Variants in OSR1 observed in about 807,000 individuals in gnomAD.
The protein encoded by OSR1 is odd-skipped related transcription factor 1, also known as protein odd-skipped-related 1.
OSR1 carries 3 observed loss-of-function variants against 15.7 expected under a neutral mutation model. The observed-to-expected ratio is 0.19, with a 90% CI of 0.09 to 0.50. OSR1 has a LOEUF of 0.50. OSR1 is among the 20% of genes least tolerant of loss of function. The pLI is 0.97. For missense variants in OSR1, 271 were observed against 351.1 expected, an observed-to-expected ratio of 0.77 and a Z score of 1.82; for synonymous variants, 166 against 152.7, an observed-to-expected ratio of 1.09 and a Z score of -0.64.
At chr2:19,356,355 C>T (rs1372185318) in intron 1 of OSR1, 1 of 152,264 alleles carries the variant, frequency 6.6e-6, no homozygotes, top group South Asian at 2.1e-4. Flanking sequence ...TATTTTCTTC[C>T]GCGGCCCAGC....
intron 2 of OSR1, 149 bp downstream of exon 2, chr2:19,352,992 A>G: frequency 9.9e-7 from 1 of 1,011,864 alleles, no homozygotes; most frequent in Non-Finnish European, 1.4e-6. Flanking sequence ...CTATCCCTGG[A>G]TCTCCTAGGC....
intron 1 of OSR1, chr2:19,354,348 G>A (rs903954742): frequency 1.9e-5 from 3 of 153,994 alleles, no homozygotes; most frequent in African/African-American, 4.9e-5. Context: ...ATGTTTTATA[G>A]TACAACACTG....
downstream of OSR1, among the ~76,000 whole-genome samples, chr2:19,348,675 G>T (rs1039462941): frequency 6.6e-6 from 1 of 152,140 alleles, no homozygotes; most frequent in Non-Finnish European, 1.5e-5. Flanking sequence ...AAGGAAGTAC[G>T]CGGGAAAACA....
rs771630452 is a variant in OSR1 at position 19,353,209 on chromosome 2, G to C, written c.597C>G (p.Asp199Glu). The C allele has an allele frequency of 1.2e-6, 2 of 1,614,256 alleles. No individual in the cohort carries two copies. Among genetic ancestry groups the C allele is most frequent in the Non-Finnish European group, 1.7e-6 (2 of 1,180,054 alleles). Residue 199 changes from aspartate to glutamate, a missense_variant, in exon 2 of 3, where the codon GAC (aspartate) becomes GAG (glutamate). By Grantham distance (45) the Asp-to-Glu change is conservative (BLOSUM62 2). Coordinates refer to ENST00000272223, the MANE Select transcript of OSR1 (RefSeq NM_145260.3). Reference sequence around the variant, plus strand: ...AGATGTCACAGGTGTAGGGCCGCTCGTCGGTGTGCGTCCGCTCATGGATAA... The same window carrying C: ...AGATGTCACAGGTGTAGGGCCGCTCCTCGGTGTGCGTCCGCTCATGGATAA... The part of the protein sequence containing the change: ...NLLIHERTHT[D>E]ERPYTCDICH...
rs1320291458 is a variant in OSR1 at position 19,351,730 on chromosome 2, G to A, written c.*545C>T. On this transcript the variant is annotated 3_prime_UTR_variant, in exon 3 of 3. Transcript: ENST00000272223. ...CAGCTGAGCTGCAAGAGCTGGGAGG[G>A]GGCTGCCCCGCGGTCCCTAGGGCAG... The A allele has an allele frequency of 6.5e-6, 1 of 152,712 alleles. No homozygotes were observed. The highest frequency in any genetic ancestry group is 2.4e-5 in the African/African-American group (1 of 41,434). The allele number at this position is 152,712 out of a possible 1,614,324, so 9.5% of individuals were successfully genotyped here. A position where few individuals can be genotyped will look rare whatever the true frequency, so the allele number is the denominator to read the frequency against.
At chr2:19,353,002 C>A in intron 2 of OSR1, 139 bp downstream of exon 2, 1 of 1,109,432 alleles carries the variant, frequency 9.0e-7, no homozygotes, top group Non-Finnish European at 1.3e-6. Context: ...ATCTCCTAGG[C>A]TTTCCTTCTT....
intron 1 of OSR1, chr2:19,354,087 C>A: frequency 2.3e-6 from 1 of 440,016 alleles, no homozygotes; most frequent in Non-Finnish European, 4.1e-6. Flanking sequence ...GGCAGAGCCA[C>A]ACAACTTGAT....
chr2:19,350,387 G>T (rs1340338301), downstream of OSR1, among the ~76,000 whole-genome samples: 1 of 151,732 alleles, frequency 6.6e-6, no homozygotes, highest in Non-Finnish European at 1.5e-5. Context: ...GTTCTAGCCC[G>T]CACAGGACTC....
At chr2:19,352,541 G>A in intron 2 of OSR1, 131 bp from the exon 3 acceptor site, 1 of 1,110,172 alleles carries the variant, frequency 9.0e-7, no homozygotes, top group African/African-American at 1.6e-5. Flanking sequence ...ACCAAGTGTG[G>A]ATGGGACAAA....
Position 19,357,714 on chromosome 2 carries a change from C to A in OSR1, c.-33+627G>T, listed in dbSNP as rs1425126785. The A allele has an allele frequency of 1.3e-5, 2 of 152,250 alleles. No individual in the cohort carries two copies. The highest frequency in any genetic ancestry group is 1.9e-4 in the East Asian group (1 of 5,186). 9.4% of individuals were successfully genotyped at this position (152,250 alleles called of 1,614,324 possible). A position where few individuals can be genotyped will look rare whatever the true frequency, so the allele number is the denominator to read the frequency against. On this transcript the variant is annotated intron_variant, in intron 1 of 2. Transcript: ENST00000272223. The surrounding 1 kb of genome is among the most constrained non-coding windows in gnomAD (Gnocchi z 5.0). ...TCAAGGGTTCCGCTCCAGGCCTTGA[C>A]GACACAGAGCAATCATCCTATGGAG...
intron 1 of OSR1, chr2:19,355,319 T>A (rs1479278766): frequency 6.6e-6 from 1 of 152,586 alleles, no homozygotes; most frequent in Non-Finnish European, 1.5e-5. Flanking sequence ...ATGGAGCAAT[T>A]CCCCTTCCCT....
rs1353825683 is a variant in OSR1, at chr2:19,352,416, G to A, written c.666-6C>T. ...TCTCTTTGGAGTGAATATATCTGAG[G>A]GCAGAAACAGAGAGTTCATCCTTGC... On this transcript the variant is annotated splice_region_variant and splice_polypyrimidine_tract_variant and intron_variant, in intron 2 of 2. Coordinates refer to ENST00000272223, the MANE Select transcript of OSR1 (RefSeq NM_145260.3). 2 of 1,613,672 alleles carry A rather than the reference G, an allele frequency of 1.2e-6. No individual in the cohort carries two copies. Among genetic ancestry groups the A allele is most frequent in the East Asian group, 4.5e-5 (2 of 44,890 alleles).
intron 2 of OSR1, among the ~76,000 whole-genome samples, chr2:19,352,804 A>G (rs575085837): frequency 6.6e-6 from 1 of 152,324 alleles, no homozygotes; most frequent in East Asian, 1.9e-4. Context: ...ATTAAATAAA[A>G]CTAAATTAGT....
downstream of OSR1, among the ~76,000 whole-genome samples, chr2:19,349,174 T>C (rs1344022278): frequency 6.6e-6 from 1 of 152,230 alleles, no homozygotes; most frequent in Non-Finnish European, 1.5e-5. Context: ...GCACTTTTTG[T>C]GCAACCCACA....
intron 1 of OSR1, chr2:19,354,334 A>G (rs1479240847): frequency 6.4e-6 from 1 of 156,036 alleles, no homozygotes; most frequent in East Asian, 1.9e-4. Context: ...GACTGGGACA[A>G]CCAATGTTTT....
At position 19,353,209 on chromosome 2, in the gene OSR1, G is replaced by T; in HGVS notation, c.597C>A (p.Asp199Glu). The T allele has an allele frequency of 6.2e-7, 1 of 1,614,256 alleles. No individual in the cohort carries two copies. The highest frequency in any genetic ancestry group is 2.2e-5 in the East Asian group (1 of 44,886). Residue 199 changes from aspartate to glutamate, a missense_variant, in exon 2 of 3, where the codon GAC becomes GAA. Physicochemically the swap from Asp to Glu is conservative, Grantham distance 45. Around this residue, in one of 4 missense-constraint regions of OSR1, gnomAD observed 32 missense variants for 66.8 expected, o/e 0.48. Coordinates refer to ENST00000272223, the MANE Select transcript of OSR1 (RefSeq NM_145260.3). ...AGATGTCACAGGTGTAGGGCCGCTC[G>T]TCGGTGTGCGTCCGCTCATGGATAA... Reference protein sequence around the residue: ...NLLIHERTHTDERPYTCDICH... With the variant: ...NLLIHERTHTEERPYTCDICH...
At chr2:19,351,424 C>G (rs45516191), downstream of OSR1, 1,056 of 152,586 alleles carry the variant, frequency 6.9e-3, 5 homozygotes, top group Non-Finnish European at 0.011. Flanking sequence ...AAACCTGGTC[C>G]TCTCAAAGAG....
At position 19,353,639 on chromosome 2, in the gene OSR1, G is replaced by A. The variant is rs1388802506; in HGVS notation, c.167C>T (p.Thr56Met). ...CAAGTGCATGGCCGGGTAGCCCAGC[G>A]TCCACTGATGCAGGTGCACAGCGTG... Reference protein sequence around the residue: ...ALHAVHLHQWTLGYPAMHLPR... With the variant: ...ALHAVHLHQWMLGYPAMHLPR... Residue 56 changes from threonine (T) to methionine (M), a missense_variant, in exon 2 of 3, where the codon ACG becomes ATG. By Grantham distance (81) the Thr-to-Met change is moderately conservative. Coordinates refer to ENST00000272223, the MANE Select transcript of OSR1 (RefSeq NM_145260.3). The A allele has an allele frequency of 1.9e-6, 3 of 1,614,250 alleles. No individual in the cohort carries two copies. Among genetic ancestry groups the A allele is most frequent in the Non-Finnish European group, 2.5e-6 (3 of 1,180,052 alleles).
Position 19,357,513 on chromosome 2 carries a change from C to A in OSR1, c.-33+828G>T, listed in dbSNP as rs1237228107. On this transcript the variant is annotated intron_variant, in intron 1 of 2. Transcript: ENST00000272223. The surrounding 1 kb of genome is among the most constrained non-coding windows in gnomAD (Gnocchi z 5.0). ...AGCAGGCAGCCCTTCACCCCTTTCC[C>A]CCTTCTTTCTCTCCTGACGGCTGGA... is the stretch of plus-strand genomic sequence containing the variant. Among the ~76,000 whole-genome samples the A allele has an allele frequency of 6.6e-6, 1 of 152,182 alleles. No homozygotes were observed. Among genetic ancestry groups the A allele is most frequent in the Non-Finnish European group, 1.5e-5 (1 of 68,048 alleles).
Sources: gnomAD v4.1 joint callset for allele counts (sites outside exome capture counted in the v4.1 genomes callset) on GRCh38, gnomAD v4.1.1 for gene constraint, gnomAD v4.1.1 regional missense constraint, Gnocchi (gnomAD v3.1) non-coding constraint, MANE v1.5 for transcripts, NCBI Gene and HGNC (gene_info 2026-07-23, HGNC 2026-07-21) for gene names.